The following PIGK variants were observed in gnomAD, a reference collection of about 807,000 sequenced individuals.
PIGK encodes the protein GPI-anchor transamidase.
Under a neutral mutation model 50.6 loss-of-function variants are expected in PIGK, and 42 were observed. The ratio of observed to expected loss-of-function variants is 0.83; its 90% CI spans 0.65 to 1.07. PIGK has a LOEUF of 1.07. Among genes scored for constraint, PIGK ranks in the 50% least tolerant of loss-of-function variants. The probability of loss-of-function intolerance (pLI) is 0.00; values close to 1 mark genes in which losing one functional copy is unlikely to be tolerated. For synonymous variants in PIGK, 151 were observed against 156.0 expected, an observed-to-expected ratio of 0.97 and a Z score of 0.24; for missense variants, 448 against 488.7, an observed-to-expected ratio of 0.92 and a Z score of 0.78.
In PIGK at chr1:77,154,458, A is replaced by G. The variant is rs772971888; in HGVS notation, c.977T>C (p.Met326Thr). The change falls in exon 9 of 11, where the codon ATG becomes ACG. Residue 326 changes from methionine to threonine, a missense_variant. Met to Thr is a moderately conservative substitution (Grantham distance 81). Coordinates refer to ENST00000370812, the MANE Select transcript of PIGK (RefSeq NM_005482.3). ...TIKLQQDSEI[M>T]ESSYKEDQMD... ...GGTTTAAGATGAATACCTGCTTTCC[A>G]TGATTTCTGAATCCTGTTGCAATTT... 5 of 1,607,094 alleles carry G rather than the reference A, an allele frequency of 3.1e-6. No individual in the cohort carries two copies. The highest frequency in any genetic ancestry group is 2.0e-4 in the Middle Eastern group (1 of 5,086).
chr1:77,129,582 G>T (rs1026910366), intron 9 of PIGK: 2 of 1,503,260 alleles, frequency 1.3e-6, no homozygotes, highest in Non-Finnish European at 1.8e-6. Flanking sequence ...GGAACAGATT[G>T]TTCCTAAACC....
At chr1:77,158,472 A>G (rs1267578687) in intron 8 of PIGK, among the ~76,000 whole-genome samples, 2 of 152,182 alleles carry the variant, frequency 1.3e-5, no homozygotes, top group Non-Finnish European at 2.9e-5. Context: ...ACTGGGTAAC[A>G]GGCAGATGTT....
At chr1:77,209,414 C>A (rs1400169404) in intron 2 of PIGK, among the ~76,000 whole-genome samples, 3 of 151,910 alleles carry the variant, frequency 2.0e-5, no homozygotes, top group Non-Finnish European at 4.4e-5. Context: ...AATAAGCAGG[C>A]CTTACTAAAA....
chr1:77,166,755 AAAG>A lies in PIGK; in HGVS notation c.448_450del (p.Leu150del). The stretch of plus-strand genomic sequence containing the variant: ...ATTAGAATATTGCTTCTGTCATCAG[AAAG>A]AAGACGTTTTGACCGAGGAGTACTA... On this transcript the variant is annotated inframe_deletion, in exon 5 of 11. Coordinates refer to ENST00000370812, the MANE Select transcript of PIGK (RefSeq NM_005482.3). 6.3e-7 allele frequency: 1 copy of A among 1,593,528 alleles called. No homozygotes were observed. Among genetic ancestry groups the A allele is most frequent in the Non-Finnish European group, 8.6e-7 (1 of 1,166,834 alleles).
intron 3 of PIGK, chr1:77,195,344 G>T: frequency 7.8e-7 from 1 of 1,280,794 alleles, no homozygotes; most frequent in South Asian, 1.3e-5. Flanking sequence ...TTGAGCCAGC[G>T]GGCGGAGGCA....
At chr1:77,109,927 T>G (rs1653797643) in intron 10 of PIGK, among the ~76,000 whole-genome samples, 3 of 152,110 alleles carry the variant, frequency 2.0e-5, no homozygotes, top group Admixed American at 2.0e-4. Context: ...GGATAAAAAA[T>G]CAATGGGCAA....
At chr1:77,183,225 G>C (rs1655661308) in intron 3 of PIGK, among the ~76,000 whole-genome samples, 1 of 152,222 alleles carries the variant, frequency 6.6e-6, no homozygotes, top group Non-Finnish European at 1.5e-5. Context: ...GGAGGACCCA[G>C]ATGAAGCTGG....
At chr1:77,216,430 C>T (rs981041750) in intron 1 of PIGK, among the ~76,000 whole-genome samples, 4 of 151,974 alleles carry the variant, frequency 2.6e-5, no homozygotes, top group African/African-American at 9.7e-5. Context: ...ACGTTAACTA[C>T]CAATAGAGAT....
chr1:77,114,756 T>C (rs1502535), intron 10 of PIGK, among the ~76,000 whole-genome samples: 5,668 of 152,226 alleles, frequency 0.037, 207 homozygotes, highest in South Asian at 0.21. Context: ...TAAAAACATA[T>C]CTGATATTAA....
At chr1:77,200,421 C>T (rs1487773908) in intron 3 of PIGK, among the ~76,000 whole-genome samples, 1 of 151,496 alleles carries the variant, frequency 6.6e-6, no homozygotes, top group Non-Finnish European at 1.5e-5. Flanking sequence ...TTTTGCACAC[C>T]CCCTAGTCAC....
intron 3 of PIGK, among the ~76,000 whole-genome samples, chr1:77,173,104 C>T (rs1282128504): frequency 6.6e-6 from 1 of 152,066 alleles, no homozygotes; most frequent in Non-Finnish European, 1.5e-5. Context: ...AACTGAGTTC[C>T]TTCTGGCTTA....
At chr1:77,138,217 G>T (rs1449087906) in intron 9 of PIGK, among the ~76,000 whole-genome samples, 1 of 152,180 alleles carries the variant, frequency 6.6e-6, no homozygotes, top group African/African-American at 2.4e-5. Flanking sequence ...TAATCAGAAG[G>T]AGACTGTCCT....
At chr1:77,123,360 G>C (rs1426995466) in intron 9 of PIGK, among the ~76,000 whole-genome samples, 1 of 152,068 alleles carries the variant, frequency 6.6e-6, no homozygotes, top group Non-Finnish European at 1.5e-5. Context: ...TAAGTCTCTA[G>C]GGCTTCAGTT....
intron 9 of PIGK, among the ~76,000 whole-genome samples, chr1:77,138,063 A>G (rs1214075389): frequency 6.6e-6 from 1 of 152,206 alleles, no homozygotes; most frequent in Admixed American, 6.5e-5. Flanking sequence ...TGGTGTTCAT[A>G]TGCCCTGTAT....
chr1:77,199,324 G>A (rs1017064190), intron 3 of PIGK, among the ~76,000 whole-genome samples: 1 of 151,992 alleles, frequency 6.6e-6, no homozygotes, highest in African/African-American at 2.4e-5. Context: ...ATGACAGATT[G>A]TTCAGAATAC....
At chr1:77,202,512 G>A (rs767209336) in intron 3 of PIGK, among the ~76,000 whole-genome samples, 46 of 152,116 alleles carry the variant, frequency 3.0e-4, no homozygotes, top group Non-Finnish European at 5.7e-4. Context: ...TGGCTGGAGC[G>A]TAAGAGACTG....
chr1:77,166,116 G>A (rs1488713648), intron 5 of PIGK, among the ~76,000 whole-genome samples: 1 of 152,002 alleles, frequency 6.6e-6, no homozygotes, highest in Non-Finnish European at 1.5e-5. Flanking sequence ...AAATAATATA[G>A]CTAAATCATT....
chr1:77,146,590 G>A (rs542183905), intron 9 of PIGK, among the ~76,000 whole-genome samples: 38 of 152,282 alleles, frequency 2.5e-4, no homozygotes, highest in African/African-American at 8.4e-4. Flanking sequence ...GAGCTCAGGA[G>A]TTCGAGGCCA....
At chr1:77,188,506 C>G (rs557319561) in intron 3 of PIGK, among the ~76,000 whole-genome samples, 1 of 152,082 alleles carries the variant, frequency 6.6e-6, no homozygotes. Context: ...CAATGGTGCC[C>G]GAAACTTCAT....
Sources: gnomAD v4.1 joint callset for allele counts (sites outside exome capture counted in the v4.1 genomes callset) on GRCh38, gnomAD v4.1.1 for gene constraint, MANE v1.5 for transcripts, NCBI Gene and HGNC (gene_info 2026-07-23, HGNC 2026-07-21) for gene names.